ANTXR2: variants seen among roughly 807,000 people sequenced by gnomAD.
ANTXR2 encodes the protein anthrax toxin receptor 2.
ANTXR2 carries 44 observed loss-of-function variants against 73.7 expected under a neutral mutation model. That is an observed-to-expected ratio of 0.60 (90% CI 0.47 to 0.77). The LOEUF (loss-of-function observed/expected upper bound fraction) is 0.77. ANTXR2 is among the 30% of genes least tolerant of loss of function. The probability of loss-of-function intolerance (pLI) is 0.00; values close to 1 mark genes in which losing one functional copy is unlikely to be tolerated. For missense variants in ANTXR2, 604 were observed against 592.5 expected, an observed-to-expected ratio of 1.02 and a Z score of -0.20; for synonymous variants, 217 against 205.9, an observed-to-expected ratio of 1.05 and a Z score of -0.46.
At chr4:80,026,942 A>G (rs1022176857) in intron 10 of ANTXR2, among the ~76,000 whole-genome samples, 4 of 152,142 alleles carry the variant, frequency 2.6e-5, no homozygotes, top group Non-Finnish European at 5.9e-5. Flanking sequence ...GATGAGGTGA[A>G]CTTATCACAT....
chr4:80,062,675 A>G lies in ANTXR2; in HGVS notation c.297-6662T>C, dbSNP rs1734317859. ...TTCACCCCCTCACTGGTTTTTAAGA[A>G]TAGAATAAATTTAGGGAATGACGAT... is the stretch of plus-strand genomic sequence containing the variant. On this transcript the variant is annotated intron_variant, in intron 3 of 16. Transcript: ENST00000403729. 3.3e-5 allele frequency among the ~76,000 whole-genome samples: 5 copies of G among 152,316 alleles called. No homozygotes were observed. In the South Asian group the frequency reaches 1.0e-3, roughly 32 times the overall value.
intron 16 of ANTXR2, among the ~76,000 whole-genome samples, chr4:79,929,092 G>A (rs1278274813): frequency 6.6e-6 from 1 of 152,120 alleles, no homozygotes; most frequent in African/African-American, 2.4e-5. Flanking sequence ...TCTTCTCTCA[G>A]TCGTTTAAGT....
intron 7 of ANTXR2, among the ~76,000 whole-genome samples, chr4:80,046,391 C>G (rs1051887588): frequency 4.0e-5 from 6 of 151,664 alleles, no homozygotes; most frequent in Non-Finnish European, 4.4e-5. Flanking sequence ...TGTCTTTGGT[C>G]ACCACAAACT....
rs1221142600 is a variant in ANTXR2, at chr4:80,015,979, AAAGGAAAG to A, written c.945+2911_945+2918del. Reference sequence around the variant, plus strand: ...AAAGGAAAGGAAAGGAAAGGAAAGGAAAGGAAAGGAAAGGAAAGGAAAGGAGGGAGAGG... The same window carrying A: ...AAAGGAAAGGAAAGGAAAGGAAAGGAGAAAGGAAAGGAAAGGAGGGAGAGG... On this transcript the variant is annotated intron_variant, in intron 11 of 16. Transcript: ENST00000403729. 4.0e-5 allele frequency among the ~76,000 whole-genome samples: 6 copies of A among 148,350 alleles called. No individual in the cohort carries two copies. In the South Asian group the frequency reaches 6.5e-4, roughly 16 times the overall value.
In ANTXR2 at chr4:80,031,683, G is replaced by C; in HGVS notation, c.806C>G (p.Pro269Arg). Residue 269 changes from proline to arginine, a missense_variant, in exon 10 of 17, where the codon CCA becomes CGA. Transcript: ENST00000403729. ...CATAGAATTAAGCTGTACACTTACTGGTTTTACACCTAGAAAATAAAATGC... is the reference window on the plus strand; with the variant it reads ...CATAGAATTAAGCTGTACACTTACTCGTTTTACACCTAGAAAATAAAATGC... Reference protein sequence around the residue: ...VNETYTTSVKPVSVQLNSMLC... With the variant: ...VNETYTTSVKRVSVQLNSMLC... 1 of 1,492,242 alleles carries C rather than the reference G, an allele frequency of 6.7e-7. No homozygotes were observed. The highest frequency in any genetic ancestry group is 8.9e-7 in the Non-Finnish European group (1 of 1,125,976). 92.4% of individuals were successfully genotyped at this position (1,492,242 alleles called of 1,614,324 possible).
At chr4:79,961,473 C>T (rs1412027412) in intron 16 of ANTXR2, among the ~76,000 whole-genome samples, 4 of 151,920 alleles carry the variant, frequency 2.6e-5, no homozygotes, top group African/African-American at 4.8e-5. Context: ...CTTGCTCTGT[C>T]ACCCAGGCTG....
intron 7 of ANTXR2, among the ~76,000 whole-genome samples, chr4:80,046,669 T>A (rs1299018424): frequency 6.6e-6 from 1 of 151,710 alleles, no homozygotes; most frequent in African/African-American, 2.4e-5. Flanking sequence ...GGATGGCAAA[T>A]GAAATGTTTC....
At chr4:79,962,944 A>T (rs1729199471) in intron 16 of ANTXR2, among the ~76,000 whole-genome samples, 1 of 152,216 alleles carries the variant, frequency 6.6e-6, no homozygotes, top group South Asian at 2.1e-4. Context: ...TACTGAAGAC[A>T]CTTGAAGCAT....
intron 3 of ANTXR2, among the ~76,000 whole-genome samples, chr4:80,068,751 A>G (rs7661959): frequency 0.16 from 24,534 of 152,068 alleles, 1,995 homozygotes; most frequent in Middle Eastern, 0.2. Context: ...CAGCCTGGGC[A>G]ACAGAGAGAG....
intron 3 of ANTXR2, among the ~76,000 whole-genome samples, chr4:80,057,841 T>C (rs1333717711): frequency 6.6e-6 from 1 of 152,086 alleles, no homozygotes; most frequent in Admixed American, 6.6e-5. Context: ...TCCCCTGCTC[T>C]GTACTTATTA....
At chr4:79,913,341 A>T (rs1210824059) in intron 16 of ANTXR2, among the ~76,000 whole-genome samples, 1 of 152,160 alleles carries the variant, frequency 6.6e-6, no homozygotes, top group African/African-American at 2.4e-5. Context: ...TATCATACAA[A>T]ATTATAAAAG....
intron 3 of ANTXR2, among the ~76,000 whole-genome samples, chr4:80,061,927 T>C (rs1734280918): frequency 6.6e-6 from 1 of 152,190 alleles, no homozygotes; most frequent in Non-Finnish European, 1.5e-5. Context: ...GCTTAACGGA[T>C]GAACCTCTAA....
chr4:80,055,954 T>C lies in ANTXR2; in HGVS notation c.356A>G (p.Tyr119Cys). 4.5e-6 allele frequency: 7 copies of C among 1,563,686 alleles called. No homozygotes were observed. The highest frequency in any genetic ancestry group is 6.1e-6 in the Non-Finnish European group (7 of 1,154,786). The change falls in exon 4 of 17, where the codon TAT becomes TGT. Residue 119 changes from tyrosine to cysteine, a missense_variant. Coordinates refer to ENST00000403729, the MANE Select transcript of ANTXR2 (RefSeq NM_058172.6). ...LKRVSPVGETYIHEGLKLANE... is the reference protein window; with the variant it reads ...LKRVSPVGETCIHEGLKLANE... ...TACTAGCTTTAGTCCTTCATGGATATATGTCTCTCCTACTGGACTAACACG... is the reference window on the plus strand; with the variant it reads ...TACTAGCTTTAGTCCTTCATGGATACATGTCTCTCCTACTGGACTAACACG...
At chr4:80,041,492 T>C (rs182136097) in intron 7 of ANTXR2, among the ~76,000 whole-genome samples, 89 of 152,188 alleles carry the variant, frequency 5.8e-4, no homozygotes, top group Non-Finnish European at 1.0e-3. Flanking sequence ...CTGGGGTACA[T>C]GTGCAGGATG....
chr4:79,922,487 C>T (rs1456794557), intron 16 of ANTXR2, among the ~76,000 whole-genome samples: 1 of 151,862 alleles, frequency 6.6e-6, no homozygotes, highest in Non-Finnish European at 1.5e-5. Context: ...TAATTAATCC[C>T]TAAAATGAAA....
At chr4:79,964,749 G>C (rs924805387) in intron 16 of ANTXR2, 4 of 152,236 alleles carry the variant, frequency 2.6e-5, no homozygotes, top group Admixed American at 6.5e-5. Flanking sequence ...CAATCCGGCC[G>C]CTAGCTGCGG....
chr4:80,008,506 A>T lies in ANTXR2; in HGVS notation c.1041+15T>A, dbSNP rs1406040096. On this transcript the variant is annotated intron_variant, in intron 12 of 16. Transcript: ENST00000403729. Reference sequence around the variant, plus strand: ...TAATTTTTTTTAAGTAGAGTTGTAAATCCTTCTTACTCACCACTTTGCAGC... The same window carrying T: ...TAATTTTTTTTAAGTAGAGTTGTAATTCCTTCTTACTCACCACTTTGCAGC... The T allele has an allele frequency of 9.5e-6, 15 of 1,586,914 alleles. No homozygotes were observed. Among genetic ancestry groups the T allele is most frequent in the Admixed American group, 1.7e-5 (1 of 58,224 alleles).
intron 16 of ANTXR2, among the ~76,000 whole-genome samples, chr4:79,913,336 T>A (rs368283466): frequency 4.6e-5 from 7 of 152,178 alleles, no homozygotes; most frequent in African/African-American, 1.7e-4. Flanking sequence ...CTTCTTATCA[T>A]ACAAAATTAT....
rs182502288 is a variant in ANTXR2, at chr4:79,945,795, A to G, written c.1428+31826T>C. Among the ~76,000 whole-genome samples the G allele has an allele frequency of 1.2e-3, 186 of 152,298 alleles. 1 individual carries two copies. The highest frequency in any genetic ancestry group is 4.4e-3 in the African/African-American group (184 of 41,576). ...AATCTAAATCAAATGTATTTTAGCC[A>G]TCACAATATGCCCTACTTTAATATA... On this transcript the variant is annotated intron_variant, in intron 16 of 16. Coordinates refer to ENST00000403729, the MANE Select transcript of ANTXR2 (RefSeq NM_058172.6).
Sources: gnomAD v4.1 joint callset for allele counts (sites outside exome capture counted in the v4.1 genomes callset) on GRCh38, gnomAD v4.1.1 for gene constraint, MANE v1.5 for transcripts, NCBI Gene and HGNC (gene_info 2026-07-23, HGNC 2026-07-21) for gene names.